Variants in UBE2E3 observed in about 807,000 individuals in gnomAD.
UBE2E3 encodes the protein ubiquitin conjugating enzyme E2 E3.
A neutral mutation model predicts 23.6 loss-of-function variants in UBE2E3; 5 were observed. The ratio of observed to expected loss-of-function variants is 0.21; its 90% confidence interval spans 0.11 to 0.44. The LOEUF is 0.44. Among genes scored for constraint, UBE2E3 ranks in the 20% least tolerant of loss-of-function variants. The pLI, the probability that UBE2E3 is intolerant of heterozygous loss-of-function variation, is 0.99. For missense variants in UBE2E3, 81 were observed against 249.8 expected, an observed-to-expected ratio of 0.32 and a Z score of 4.55; for synonymous variants, 78 against 87.5, an observed-to-expected ratio of 0.89 and a Z score of 0.60.
At chr2:181,033,556 A>C (rs1260483710) in intron 3 of UBE2E3, among the ~76,000 whole-genome samples, 3 of 152,256 alleles carry the variant, frequency 2.0e-5, no homozygotes, top group Non-Finnish European at 4.4e-5. Context: ...CTTAAATATT[A>C]GACCTAAAAC....
rs1207119049 is a variant in UBE2E3, at chr2:180,984,088, T to C, written c.240T>C (p.Asn80=). Reference sequence around the variant, plus strand: ...AAATAACCCTTGATCCTCCTCCTAATTGCAGGTAAGAAATGAATTTTGTTG... The same window carrying C: ...AAATAACCCTTGATCCTCCTCCTAACTGCAGGTAAGAAATGAATTTTGTTG... ...LAEITLDPPP[N]CSAGPKGDNI... is the part of the protein sequence containing the mutation. Residue 80 remains asparagine (N), a synonymous_variant, in exon 3 of 6, where the codon AAT becomes AAC. Transcript: ENST00000410062. 1.2e-6 allele frequency: 2 copies of C among 1,610,924 alleles called. No individual in the cohort carries two copies. Among genetic ancestry groups the C allele is most frequent in the South Asian group, 1.1e-5 (1 of 90,442 alleles).
At chr2:180,983,882 G>A (rs1684375991) in intron 2 of UBE2E3, 161 bp from the exon 3 acceptor site, 1 of 493,906 alleles carries the variant, frequency 2.0e-6, no homozygotes, top group Admixed American at 3.6e-5. Context: ...TAAGGGATTT[G>A]GGTTATGCCT....
chr2:181,020,603 C>T (rs906731125), intron 3 of UBE2E3, among the ~76,000 whole-genome samples: 1 of 152,150 alleles, frequency 6.6e-6, no homozygotes, highest in Non-Finnish European at 1.5e-5. Flanking sequence ...AATACCACTA[C>T]GACTTTTCCA....
At chr2:181,034,599 C>G (rs551823631) in intron 3 of UBE2E3, among the ~76,000 whole-genome samples, 1 of 152,246 alleles carries the variant, frequency 6.6e-6, no homozygotes, top group Non-Finnish European at 1.5e-5. Flanking sequence ...ATGGGTGCAG[C>G]ACACCAACAT....
chr2:180,995,401 A>AT (rs1288530211), intron 3 of UBE2E3, among the ~76,000 whole-genome samples: 2 of 152,026 alleles, frequency 1.3e-5, no homozygotes, highest in African/African-American at 4.8e-5. Flanking sequence ...CTCCCTTATG[A>AT]TTTTCCTTTG....
At chr2:180,999,422 A>G (rs938565324) in intron 3 of UBE2E3, among the ~76,000 whole-genome samples, 3 of 152,210 alleles carry the variant, frequency 2.0e-5, no homozygotes, top group Admixed American at 1.3e-4. Context: ...ATCTGTTTGA[A>G]TACGTGGTTT....
intron 3 of UBE2E3, among the ~76,000 whole-genome samples, chr2:181,042,371 A>T (rs78325391): frequency 0.01 from 1,546 of 152,298 alleles, 29 homozygotes; most frequent in South Asian, 0.059. Context: ...TTAGCCCCCC[A>T]TCAGTGTGAC....
intron 3 of UBE2E3, among the ~76,000 whole-genome samples, chr2:181,002,989 G>A (rs1397177599): frequency 6.6e-6 from 1 of 152,182 alleles, no homozygotes; most frequent in African/African-American, 2.4e-5. Flanking sequence ...AAGGGTTTTT[G>A]TTTTGAAACA....
intron 3 of UBE2E3, among the ~76,000 whole-genome samples, chr2:181,014,677 T>C (rs1559121656): frequency 1.3e-5 from 2 of 152,172 alleles, no homozygotes; most frequent in Admixed American, 6.6e-5. Flanking sequence ...TTGATTGTTG[T>C]CTCTTGGAGG....
chr2:181,018,370 G>GTATATA (rs35440345), intron 3 of UBE2E3, among the ~76,000 whole-genome samples: 39 of 149,578 alleles, frequency 2.6e-4, no homozygotes, highest in African/African-American at 9.1e-4. Flanking sequence ...CTGTGTGTGT[G>GTATATA]TATATATATA....
intron 4 of UBE2E3, among the ~76,000 whole-genome samples, chr2:181,060,104 A>G (rs1360973796): frequency 6.6e-6 from 1 of 151,770 alleles, no homozygotes. Context: ...ACAGTGAACC[A>G]GCTGTAGAAA....
intron 3 of UBE2E3, among the ~76,000 whole-genome samples, chr2:181,041,599 G>A (rs748068504): frequency 2.6e-5 from 4 of 151,944 alleles, no homozygotes; most frequent in Non-Finnish European, 5.9e-5. Flanking sequence ...CACCATGCCA[G>A]GCTAATTTTT....
intron 3 of UBE2E3, among the ~76,000 whole-genome samples, chr2:181,013,293 A>T (rs1685389019): frequency 6.6e-6 from 1 of 152,170 alleles, no homozygotes; most frequent in Admixed American, 6.6e-5. Context: ...TTTCTGTAAG[A>T]CAAGAGTTTG....
chr2:181,045,606 A>G (rs1054529110), intron 3 of UBE2E3, among the ~76,000 whole-genome samples: 2 of 152,134 alleles, frequency 1.3e-5, no homozygotes, highest in South Asian at 4.1e-4. Context: ...ACCAAGCCCC[A>G]GACTAATACA....
chr2:181,062,762 A>T (rs1439625802), intron 5 of UBE2E3, 29 bp from the exon 6 acceptor site: 1 of 1,418,456 alleles, frequency 7.0e-7, no homozygotes, highest in Non-Finnish European at 9.9e-7. Flanking sequence ...ACCACAAAAT[A>T]GCTTTTAATG....
chr2:181,048,340 T>G (rs919202627), intron 3 of UBE2E3, among the ~76,000 whole-genome samples: 28 of 152,206 alleles, frequency 1.8e-4, no homozygotes, highest in Non-Finnish European at 3.7e-4. Flanking sequence ...AATAACTCCT[T>G]AATGAATGAA....
rs577698009 is a variant in UBE2E3 at position 180,998,792 on chromosome 2, AC to A, written c.245+14700del. 3.3e-4 allele frequency among the ~76,000 whole-genome samples: 50 copies of A among 152,300 alleles called. 1 individual carries two copies. In the East Asian group the frequency reaches 9.4e-3, roughly 29 times the overall value. On this transcript the variant is annotated intron_variant, in intron 3 of 5. Coordinates refer to ENST00000410062, the MANE Select transcript of UBE2E3 (RefSeq NM_006357.4). ...TTTGGAGGAGCTCAAAGCAACAGATACGTTTTTATCCAAAAAGGAGTAAAAC... is the reference window on the plus strand; with the variant it reads ...TTTGGAGGAGCTCAAAGCAACAGATAGTTTTTATCCAAAAAGGAGTAAAAC...
At chr2:181,037,678 A>G (rs367930818) in intron 3 of UBE2E3, among the ~76,000 whole-genome samples, 7 of 152,222 alleles carry the variant, frequency 4.6e-5, no homozygotes, top group African/African-American at 1.7e-4. Flanking sequence ...TTAAGTTGAC[A>G]TAGTAAAAAA....
chr2:181,002,718 C>A (rs147242072), intron 3 of UBE2E3, among the ~76,000 whole-genome samples: 96 of 152,306 alleles, frequency 6.3e-4, no homozygotes, highest in African/African-American at 2.2e-3. Context: ...ATATACACCA[C>A]CTTTTAAGGA....
Sources: allele counts gnomAD v4.1 joint callset (sites outside exome capture counted in the v4.1 genomes callset), GRCh38; gene constraint gnomAD v4.1.1; transcripts MANE v1.5; gene names NCBI Gene and HGNC (gene_info 2026-07-23, HGNC 2026-07-21).